Variants in EIPR1 observed in about 807,000 individuals in gnomAD.
EIPR1 encodes the protein EARP and GARP complex-interacting protein 1.
EIPR1 carries 25 observed loss-of-function variants against 48.1 expected under a neutral mutation model. The observed-to-expected ratio is 0.52, with a 90% CI of 0.38 to 0.73. EIPR1 has a LOEUF of 0.73. EIPR1 is among the 30% of genes least tolerant of loss of function. The probability of loss-of-function intolerance (pLI) is 0.00; values close to 1 mark genes in which losing one functional copy is unlikely to be tolerated. For missense variants in EIPR1, 415 were observed against 506.2 expected (o/e 0.82, Z 1.73); for synonymous variants, 204 against 201.9 (o/e 1.01, Z -0.09).
intron 4 of EIPR1, among the ~76,000 whole-genome samples, chr2:3,236,042 G>A (rs1457415637): frequency 6.6e-6 from 1 of 152,132 alleles, no homozygotes. Context: ...CTGTTGACAT[G>A]CTAAGAGCGC....
intron 3 of EIPR1, among the ~76,000 whole-genome samples, chr2:3,281,937 A>G (rs930027257): frequency 6.6e-6 from 1 of 152,216 alleles, no homozygotes; most frequent in African/African-American, 2.4e-5. Context: ...TAAGCACTAG[A>G]GGGGCTCACA....
intron 4 of EIPR1, among the ~76,000 whole-genome samples, chr2:3,243,804 G>C (rs546919495): frequency 1.3e-5 from 2 of 152,122 alleles, no homozygotes; most frequent in Admixed American, 1.3e-4. Context: ...GCCACAACCC[G>C]GGCAAGCCTG....
At chr2:3,287,415 C>A (rs576715566) in intron 3 of EIPR1, among the ~76,000 whole-genome samples, 3 of 146,492 alleles carry the variant, frequency 2.0e-5, no homozygotes, top group African/African-American at 7.6e-5. Flanking sequence ...GTGTTCACCA[C>A]GCTCCGGAAA....
At chr2:3,342,013 T>G (rs1370518631) in intron 2 of EIPR1, among the ~76,000 whole-genome samples, 1 of 152,204 alleles carries the variant, frequency 6.6e-6, no homozygotes. Flanking sequence ...CAGGGAATTC[T>G]ATGATAGAAT....
At chr2:3,227,760 T>C (rs1280297237) in intron 4 of EIPR1, among the ~76,000 whole-genome samples, 1 of 152,242 alleles carries the variant, frequency 6.6e-6, no homozygotes, top group African/African-American at 2.4e-5. Context: ...TGGGACATGC[T>C]GCCCTGCATC....
intron 4 of EIPR1, 67 bp downstream of exon 4, chr2:3,257,232 G>A (rs908441982): frequency 2.6e-6 from 4 of 1,535,330 alleles, no homozygotes; most frequent in Non-Finnish European, 3.5e-6. Context: ...AAAGGAATCT[G>A]CACAAGCTCC....
At chr2:3,217,733 C>A (rs909518817) in intron 4 of EIPR1, among the ~76,000 whole-genome samples, 1 of 152,212 alleles carries the variant, frequency 6.6e-6, no homozygotes, top group South Asian at 2.1e-4. Flanking sequence ...TCAGAAACCA[C>A]GCATCACAAA....
chr2:3,300,766 G>A (rs556770334), intron 3 of EIPR1: 1 of 152,294 alleles, frequency 6.6e-6, no homozygotes, highest in African/African-American at 2.4e-5. Flanking sequence ...TGGTCCAAAA[G>A]CGTTTGTAAA....
intron 3 of EIPR1, among the ~76,000 whole-genome samples, chr2:3,336,061 G>A (rs182671623): frequency 2.6e-5 from 4 of 152,242 alleles, no homozygotes; most frequent in Non-Finnish European, 5.9e-5. Context: ...GCCTAGGAAG[G>A]GCCTCTCAAG....
At chr2:3,337,863 C>T (rs939361287) in intron 3 of EIPR1, among the ~76,000 whole-genome samples, 154 bp downstream of exon 3, 4 of 152,226 alleles carry the variant, frequency 2.6e-5, no homozygotes, top group Non-Finnish European at 5.9e-5. Context: ...CAAACATCTA[C>T]TCACAATATC....
At chr2:3,310,467 A>G (rs1028038720) in intron 3 of EIPR1, among the ~76,000 whole-genome samples, 1 of 140,202 alleles carries the variant, frequency 7.1e-6, no homozygotes, top group Non-Finnish European at 1.5e-5. Flanking sequence ...TCCTGGCTAA[A>G]ACGGTGAAAC....
At position 3,214,455 on chromosome 2, in the gene EIPR1, G is replaced by A. The variant is rs534692624; in HGVS notation, c.417-207C>T. On this transcript the variant is annotated intron_variant, in intron 4 of 8. Transcript: ENST00000382125. ...GGACTGAATTGTGCCCCCCTCCCCA[G>A]ATTCATGTGTGGAAGTCCTAGCCCC... 1.1e-3 allele frequency: 487 copies of A among 461,494 alleles called. 3 individuals carry two copies. The highest frequency in any genetic ancestry group is 5.5e-3 in the Admixed American group (140 of 25,520). The allele number at this position is 461,494 out of a possible 1,614,324, so 28.6% of individuals were successfully genotyped here. A position where few individuals can be genotyped will look rare whatever the true frequency, so the allele number is the denominator to read the frequency against.
intron 3 of EIPR1, among the ~76,000 whole-genome samples, chr2:3,289,248 G>A (rs768545073): frequency 2.6e-5 from 4 of 152,098 alleles, no homozygotes; most frequent in African/African-American, 4.8e-5. Flanking sequence ...TCATTTCGCT[G>A]TCTCTCTCTT....
In EIPR1 at chr2:3,333,908, G is replaced by A. The variant is rs114600596; in HGVS notation, c.259+4109C>T. 7.6e-3 allele frequency among the ~76,000 whole-genome samples: 1,152 copies of A among 152,302 alleles called. 15 individuals carry two copies. The highest frequency in any genetic ancestry group is 0.027 in the African/African-American group (1,109 of 41,566). ...TGTGATCGGCCTGCCCTCTCCACGT[G>A]CGGTTCTACTGTCCACACTGGCTGC... On this transcript the variant is annotated intron_variant, in intron 3 of 8. Coordinates refer to ENST00000382125, the MANE Select transcript of EIPR1 (RefSeq NM_003310.5).
intron 3 of EIPR1, chr2:3,320,528 T>C (rs1669496023): frequency 6.6e-6 from 1 of 152,460 alleles, no homozygotes; most frequent in Admixed American, 6.5e-5. Context: ...CATTTATCAC[T>C]AACAAATGAA....
At chr2:3,305,135 GTCCCATCAGTTCAGCCCTCCAC>G (rs1668895111) in intron 3 of EIPR1, among the ~76,000 whole-genome samples, 2 of 74,942 alleles carry the variant, frequency 2.7e-5, no homozygotes, top group African/African-American at 5.8e-5. Flanking sequence ...CAGCCCTCCA[GTCCCATCAGTTCAGCCCTCCAC>G]TCCCGTCCAG....
intron 3 of EIPR1, chr2:3,318,927 A>T (rs1358048357): frequency 2.1e-6 from 1 of 471,546 alleles, no homozygotes; most frequent in Non-Finnish European, 4.4e-6. Flanking sequence ...TCTGAGCTAC[A>T]GGAAGAATGC....
chr2:3,355,733 C>T (rs6714115), intron 1 of EIPR1, among the ~76,000 whole-genome samples: 36,502 of 151,762 alleles, frequency 0.24, 4,575 homozygotes, highest in Non-Finnish European at 0.27. Context: ...GAGGATCACT[C>T]GAGCCCAGGA....
At chr2:3,306,015 C>A (rs1440808203) in intron 3 of EIPR1, among the ~76,000 whole-genome samples, 2 of 152,206 alleles carry the variant, frequency 1.3e-5, no homozygotes, top group Admixed American at 1.3e-4. Flanking sequence ...TCACTTGGGT[C>A]TGAGCCCACT....
Sources: gnomAD v4.1 joint callset for allele counts (sites outside exome capture counted in the v4.1 genomes callset) on GRCh38, gnomAD v4.1.1 for gene constraint, MANE v1.5 for transcripts, NCBI Gene and HGNC (gene_info 2026-07-23, HGNC 2026-07-21) for gene names.